The following SDK1 variants were observed in gnomAD, a reference collection of about 807,000 sequenced individuals.
SDK1 encodes protein sidekick-1.
A neutral mutation model predicts 245.5 loss-of-function variants in SDK1; 157 were observed. The ratio of observed to expected loss-of-function variants is 0.64; its 90% CI spans 0.56 to 0.73. The LOEUF is 0.73. SDK1 is among the 30% of genes least tolerant of loss of function. The pLI, the probability that SDK1 is intolerant of heterozygous loss-of-function variation, is 0.00. For missense variants in SDK1, 3,583 were observed against 3,002.3 expected (o/e 1.19, Z -4.52); for synonymous variants, 1,647 against 1,278.5 (o/e 1.29, Z -6.15).
At chr7:3,392,291 TA>T (rs1436019199) in intron 1 of SDK1, among the ~76,000 whole-genome samples, 65 of 152,300 alleles carry the variant, frequency 4.3e-4, no homozygotes, top group African/African-American at 1.5e-3. Flanking sequence ...TATGAGACTT[TA>T]AAATACACTT....
intron 17 of SDK1, 26 bp downstream of exon 17, chr7:4,017,378 G>A (rs1450191681): frequency 1.9e-6 from 3 of 1,583,968 alleles, no homozygotes; most frequent in South Asian, 1.1e-5. Flanking sequence ...AAACCACGAG[G>A]TGGCGGGATC....
intron 4 of SDK1, among the ~76,000 whole-genome samples, chr7:3,660,876 A>G (rs1783331507): frequency 6.6e-6 from 1 of 152,202 alleles, no homozygotes; most frequent in African/African-American, 2.4e-5. Flanking sequence ...TCATTATTAG[A>G]TGAGGTAAAT....
At chr7:3,502,357 C>A (rs1024520237) in intron 1 of SDK1, among the ~76,000 whole-genome samples, 3 of 152,130 alleles carry the variant, frequency 2.0e-5, no homozygotes, top group Non-Finnish European at 4.4e-5. Flanking sequence ...TCAAGCTATT[C>A]TCTTGCCTCA....
intron 14 of SDK1, 90 bp downstream of exon 14, chr7:3,987,412 C>A (rs944086330): frequency 3.0e-6 from 4 of 1,312,208 alleles, no homozygotes; most frequent in Admixed American, 1.9e-5. Flanking sequence ...CTGGGTCAGA[C>A]CCAAAACAAC....
chr7:4,092,759 A>G (rs1057182082), intron 22 of SDK1, among the ~76,000 whole-genome samples: 2 of 152,118 alleles, frequency 1.3e-5, no homozygotes, highest in African/African-American at 4.8e-5. Flanking sequence ...GGAAGGAACA[A>G]TAGAACCCAT....
intron 22 of SDK1, among the ~76,000 whole-genome samples, chr7:4,107,444 T>C (rs1392165560): frequency 2.0e-5 from 3 of 152,060 alleles, no homozygotes; most frequent in Non-Finnish European, 1.5e-5. Context: ...AGGTGCTAAA[T>C]TGACGGCCTG....
chr7:4,215,986 C>G (rs779504695), intron 38 of SDK1, among the ~76,000 whole-genome samples: 3 of 152,132 alleles, frequency 2.0e-5, no homozygotes, highest in Non-Finnish European at 4.4e-5. Flanking sequence ...TCAGACCACT[C>G]CCATCCCCGT....
Position 3,929,082 on chromosome 7 carries a change from A to G in SDK1, c.848-21841A>G, listed in dbSNP as rs550654094. ...CCATGTCAACTCTAGATGGAGAGGA[A>G]TGCCCCTCGAAGGAGTCTAGGCTGC... On this transcript the variant is annotated intron_variant, in intron 5 of 44. Transcript: ENST00000404826. Among the ~76,000 whole-genome samples the G allele has an allele frequency of 1.4e-4, 21 of 152,384 alleles. No homozygotes were observed. In the South Asian group the frequency reaches 4.1e-3, roughly 30 times the overall value.
intron 17 of SDK1, among the ~76,000 whole-genome samples, chr7:4,047,522 A>T (rs989716413): frequency 6.6e-6 from 1 of 152,310 alleles, no homozygotes; most frequent in East Asian, 1.9e-4. Context: ...TTTATTCCTC[A>T]AATGCTTGGT....
chr7:3,613,065 A>G (rs982190530), intron 1 of SDK1, among the ~76,000 whole-genome samples: 4 of 152,236 alleles, frequency 2.6e-5, no homozygotes, highest in African/African-American at 7.2e-5. Context: ...GAGTCAAAAG[A>G]AGAACTTGCA....
chr7:3,399,835 G>A (rs1778839249), intron 1 of SDK1, among the ~76,000 whole-genome samples: 1 of 152,108 alleles, frequency 6.6e-6, no homozygotes, highest in Non-Finnish European at 1.5e-5. Flanking sequence ...GATACCCACT[G>A]TGGACATCTC....
chr7:4,211,011 G>A (rs537896464), intron 38 of SDK1, among the ~76,000 whole-genome samples: 1 of 152,284 alleles, frequency 6.6e-6, no homozygotes, highest in African/African-American at 2.4e-5. Flanking sequence ...GGGTGGTGCT[G>A]GTGGCTGGAG....
intron 1 of SDK1, among the ~76,000 whole-genome samples, chr7:3,597,531 G>C (rs936671223): frequency 6.6e-6 from 1 of 152,156 alleles, no homozygotes; most frequent in Non-Finnish European, 1.5e-5. Flanking sequence ...TTTTTCGAAA[G>C]TGTTAGAGAG....
intron 1 of SDK1, among the ~76,000 whole-genome samples, chr7:3,506,834 G>GT (rs532944981): frequency 0.011 from 1,525 of 139,010 alleles, 22 homozygotes; most frequent in African/African-American, 0.032. Flanking sequence ...TACATGTCTT[G>GT]TTTTTTTTTT....
chr7:3,673,169 T>C (rs1179793049), intron 4 of SDK1, among the ~76,000 whole-genome samples: 9 of 152,180 alleles, frequency 5.9e-5, no homozygotes, highest in Admixed American at 5.9e-4. Context: ...CCAAAGGGAA[T>C]TGATTTTTAT....
At chr7:3,872,045 A>ATGATCAT in intron 5 of SDK1, among the ~76,000 whole-genome samples, 1 of 145,780 alleles carries the variant, frequency 6.9e-6, no homozygotes. Flanking sequence ...ATCTATTGAG[A>ATGATCAT]TGATCATTTG....
At chr7:3,407,734 A>G (rs566466742) in intron 1 of SDK1, among the ~76,000 whole-genome samples, 2 of 152,348 alleles carry the variant, frequency 1.3e-5, no homozygotes, top group East Asian at 3.9e-4. Context: ...ATTATGTGTC[A>G]GGTACTGTTC....
At position 4,267,407 on chromosome 7, in the gene SDK1, C is replaced by T. The variant is rs1392898009; in HGVS notation, c.*2023C>T. 4.1e-6 allele frequency: 4 copies of T among 985,204 alleles called. No homozygotes were observed. Among genetic ancestry groups the T allele is most frequent in the Non-Finnish European group, 4.8e-6 (4 of 829,956 alleles). The allele number at this position is 985,204 out of a possible 1,614,324, so 61.0% of individuals were successfully genotyped here. Reference sequence around the variant, plus strand: ...TTCTAAACCAAAAATCCTAGATGCTCTGCCCAAAGCCACTTCTGCATGAGA... The same window carrying T: ...TTCTAAACCAAAAATCCTAGATGCTTTGCCCAAAGCCACTTCTGCATGAGA... On this transcript the variant is annotated 3_prime_UTR_variant, in exon 45 of 45. Coordinates refer to ENST00000404826, the MANE Select transcript of SDK1 (RefSeq NM_152744.4).
intron 17 of SDK1, among the ~76,000 whole-genome samples, chr7:4,033,815 G>T (rs28372090): frequency 6.6e-6 from 1 of 151,968 alleles, no homozygotes; most frequent in African/African-American, 2.4e-5. Context: ...GCTCGGGGGA[G>T]GGGGAAGAGG....
Sources: allele counts gnomAD v4.1 joint callset (sites outside exome capture counted in the v4.1 genomes callset), GRCh38; gene constraint gnomAD v4.1.1; transcripts MANE v1.5; gene names NCBI Gene and HGNC (gene_info 2026-07-23, HGNC 2026-07-21).